The following INPP4B variants were observed in gnomAD, a reference collection of about 807,000 sequenced individuals.
The protein encoded by INPP4B is inositol polyphosphate 4-phosphatase type II.
Under a neutral mutation model 122.5 loss-of-function variants are expected in INPP4B, and 55 were observed. The ratio of observed to expected loss-of-function variants is 0.45; its 90% CI spans 0.36 to 0.56. INPP4B has a LOEUF of 0.56. Ranked by LOEUF, INPP4B falls within the 20% of genes least tolerant of loss-of-function variation. The pLI, the probability that INPP4B is intolerant of heterozygous loss-of-function variation, is 0.00. For missense variants in INPP4B, 1,000 were observed against 1,097.7 expected, an observed-to-expected ratio of 0.91 and a Z score of 1.26; for synonymous variants, 403 against 388.7, an observed-to-expected ratio of 1.04 and a Z score of -0.43.
chr4:142,614,398 T>C (rs1743251265), intron 2 of INPP4B, among the ~76,000 whole-genome samples: 1 of 152,060 alleles, frequency 6.6e-6, no homozygotes, highest in Non-Finnish European at 1.5e-5. Flanking sequence ...TAACTAAAGA[T>C]AGATTAAAAA....
In INPP4B at chr4:142,527,445, A is replaced by T. The variant is rs531917105; in HGVS notation, c.-190-64719T>A. Among the ~76,000 whole-genome samples, 3 of 152,210 alleles carry T rather than the reference A, an allele frequency of 2.0e-5. No individual in the cohort carries two copies. The South Asian group carries it at 6.2e-4, about 32-fold the overall frequency. On this transcript the variant is annotated intron_variant, in intron 2 of 25. Transcript: ENST00000262992. ...GCAGAAAGCATTAGCAGCAAGTAACAGTGAGAGTCAAAACTGTTCTTCGAT... is the reference window on the plus strand; with the variant it reads ...GCAGAAAGCATTAGCAGCAAGTAACTGTGAGAGTCAAAACTGTTCTTCGAT...
chr4:142,451,208 T>C (rs1814112002), intron 3 of INPP4B, among the ~76,000 whole-genome samples: 1 of 151,684 alleles, frequency 6.6e-6, no homozygotes, highest in South Asian at 2.1e-4. Flanking sequence ...TTCAAAACTA[T>C]TGGTGTTTGA....
At position 142,169,152 on chromosome 4, in the gene INPP4B, C is replaced by T. The variant is rs72935282; in HGVS notation, c.1359+4480G>A. Among the ~76,000 whole-genome samples the T allele has an allele frequency of 3.1e-3, 474 of 151,448 alleles. 3 individuals carry two copies. The highest frequency in any genetic ancestry group is 0.01 in the African/African-American group (421 of 41,402). On this transcript the variant is annotated intron_variant, in intron 16 of 25. Transcript: ENST00000262992. Reference sequence around the variant, plus strand: ...TCTTATCTTTATTTTTCTTATTGTACAATTTTCTAATAACAAATTTTGTTT... The same window carrying T: ...TCTTATCTTTATTTTTCTTATTGTATAATTTTCTAATAACAAATTTTGTTT...
In INPP4B at chr4:142,128,068, G is replaced by A. The variant is rs76840086; in HGVS notation, c.1721-3308C>T. On this transcript the variant is annotated intron_variant, in intron 18 of 25. Coordinates refer to ENST00000262992, the MANE Select transcript of INPP4B (RefSeq NM_001101669.3). The stretch of plus-strand genomic sequence containing the variant: ...TTGGGGAAAATTAAAAAAAACCCAA[G>A]CTTCAGCTCTTGACAGTTTTCAGAC... Among the ~76,000 whole-genome samples, 635 of 152,038 alleles carry A rather than the reference G, an allele frequency of 4.2e-3. 1 individual carries two copies. Among genetic ancestry groups the A allele is most frequent in the African/African-American group, 0.014 (593 of 41,464 alleles).
At chr4:142,796,537 TAA>T (rs1357896755) in intron 1 of INPP4B, among the ~76,000 whole-genome samples, 1 of 151,694 alleles carries the variant, frequency 6.6e-6, no homozygotes, top group Non-Finnish European at 1.5e-5. Context: ...AGAGAAGAGG[TAA>T]AAAAGTCTGT....
intron 1 of INPP4B, among the ~76,000 whole-genome samples, chr4:142,738,413 A>AAC (rs1182317732): frequency 1.3e-5 from 2 of 152,130 alleles, no homozygotes; most frequent in Non-Finnish European, 2.9e-5. Flanking sequence ...GAACAATGAG[A>AAC]ACACACGGAC....
intron 11 of INPP4B, among the ~76,000 whole-genome samples, chr4:142,246,081 T>C (rs1479502769): frequency 4.2e-4 from 54 of 129,702 alleles, no homozygotes; most frequent in African/African-American, 1.6e-3. Context: ...ATACACACAT[T>C]ATATATATGT....
intron 2 of INPP4B, among the ~76,000 whole-genome samples, chr4:142,684,530 G>A (rs1759081537): frequency 6.6e-6 from 1 of 151,842 alleles, no homozygotes; most frequent in Admixed American, 6.6e-5. Context: ...TTAGGCAAAA[G>A]GACTCCACTA....
chr4:142,289,724 T>C (rs1167472882), intron 9 of INPP4B, among the ~76,000 whole-genome samples: 1 of 152,230 alleles, frequency 6.6e-6, no homozygotes, highest in Non-Finnish European at 1.5e-5. Flanking sequence ...TTCCTTTTTA[T>C]GGCTGTATAG....
At chr4:142,517,091 A>T (rs1825508393) in intron 2 of INPP4B, among the ~76,000 whole-genome samples, 1 of 151,984 alleles carries the variant, frequency 6.6e-6, no homozygotes, top group African/African-American at 2.4e-5. Flanking sequence ...AAAATGCAGC[A>T]TAACCTTCAC....
At chr4:142,642,231 A>G (rs1162411777) in intron 2 of INPP4B, among the ~76,000 whole-genome samples, 11 of 152,098 alleles carry the variant, frequency 7.2e-5, no homozygotes, top group African/African-American at 1.4e-4. Flanking sequence ...TGTTCACTCT[A>G]ATGGTAGTTT....
intron 2 of INPP4B, among the ~76,000 whole-genome samples, chr4:142,578,493 C>T (rs950447161): frequency 3.3e-5 from 5 of 152,022 alleles, no homozygotes; most frequent in South Asian, 4.1e-4. Context: ...TCTCCTGAGA[C>T]CTCTCTCCTT....
chr4:142,784,387 A>ATAAATAAC (rs1258308440), intron 1 of INPP4B, among the ~76,000 whole-genome samples: 1 of 149,618 alleles, frequency 6.7e-6, no homozygotes, highest in African/African-American at 2.4e-5. Context: ...AAATAAATAA[A>ATAAATAAC]TAAATAAATA....
intron 2 of INPP4B, among the ~76,000 whole-genome samples, chr4:142,702,030 A>T (rs981093077): frequency 1.3e-5 from 2 of 152,194 alleles, no homozygotes; most frequent in South Asian, 4.1e-4. Flanking sequence ...TCCCACTCAC[A>T]CTGAAGCTTA....
At chr4:142,447,035 G>A (rs1813056006) in intron 3 of INPP4B, among the ~76,000 whole-genome samples, 1 of 152,170 alleles carries the variant, frequency 6.6e-6, no homozygotes, top group South Asian at 2.1e-4. Context: ...CTTTATATCT[G>A]TTATGTTTTA....
At chr4:142,115,870 T>C (rs931940211) in intron 21 of INPP4B, among the ~76,000 whole-genome samples, 1 of 151,972 alleles carries the variant, frequency 6.6e-6, no homozygotes, top group East Asian at 1.9e-4. Context: ...GACTGGCAAA[T>C]TGGATAAAAA....
At chr4:142,465,410 A>C (rs371409967) in intron 2 of INPP4B, among the ~76,000 whole-genome samples, 1 of 152,218 alleles carries the variant, frequency 6.6e-6, no homozygotes, top group African/African-American at 2.4e-5. Context: ...CTTCATGATA[A>C]ATGACCAAAT....
intron 2 of INPP4B, among the ~76,000 whole-genome samples, chr4:142,554,415 C>T (rs1728704174): frequency 6.6e-6 from 1 of 151,574 alleles, no homozygotes; most frequent in Admixed American, 6.6e-5. Flanking sequence ...TAATTGGTCT[C>T]CCATACCTAC....
At chr4:142,167,246 C>T (rs903849344) in intron 16 of INPP4B, among the ~76,000 whole-genome samples, 1 of 151,780 alleles carries the variant, frequency 6.6e-6, no homozygotes, top group Non-Finnish European at 1.5e-5. Context: ...TTTGCAGGGA[C>T]ATGGATGGAG....
Sources: allele counts gnomAD v4.1 joint callset (sites outside exome capture counted in the v4.1 genomes callset), GRCh38; gene constraint gnomAD v4.1.1; transcripts MANE v1.5; gene names NCBI Gene and HGNC (gene_info 2026-07-23, HGNC 2026-07-21).